ALPK2: variants seen among roughly 807,000 people sequenced by gnomAD.
ALPK2 encodes alpha-protein kinase 2.
In ALPK2, 127 loss-of-function variants were observed where a neutral mutation model predicts 163.1. The observed-to-expected ratio is 0.78, with a 90% confidence interval of 0.67 to 0.90. The LOEUF is 0.90. Among genes scored for constraint, ALPK2 ranks in the 40% least tolerant of loss-of-function variants. The probability of loss-of-function intolerance (pLI) is 0.00; values close to 1 mark genes in which losing one functional copy is unlikely to be tolerated. For synonymous variants in ALPK2, 953 were observed against 959.1 expected (o/e 0.99, Z 0.12); for missense variants, 2,360 against 2,589.6 (o/e 0.91, Z 1.92).
intron 3 of ALPK2, among the ~76,000 whole-genome samples, chr18:58,591,956 T>C (rs1568095436): frequency 6.6e-6 from 1 of 152,208 alleles, no homozygotes; most frequent in Non-Finnish European, 1.5e-5. Flanking sequence ...TGGAAGGTTT[T>C]CCATCCCATA....
chr18:58,534,524 C>A (rs1454375658), intron 5 of ALPK2, among the ~76,000 whole-genome samples: 1 of 152,208 alleles, frequency 6.6e-6, no homozygotes, highest in Non-Finnish European at 1.5e-5. Flanking sequence ...TCATCACATT[C>A]CCCTCCAACA....
At chr18:58,601,769 A>G (rs908850518) in intron 3 of ALPK2, among the ~76,000 whole-genome samples, 13 of 152,180 alleles carry the variant, frequency 8.5e-5, no homozygotes, top group African/African-American at 1.4e-4. Context: ...TGAAAAAGCC[A>G]GGGAAAACCA....
chr18:58,579,858 A>T lies in ALPK2; in HGVS notation c.918T>A (p.Ser306Arg), dbSNP rs2051947198. 6.2e-7 allele frequency: 1 copy of T among 1,614,014 alleles called. No homozygotes were observed. Residue 306 changes from serine (S) to arginine (R), a missense_variant, in exon 4 of 13, where the codon AGT (serine) becomes AGA (arginine). Physicochemically the swap from Ser to Arg is moderately radical, Grantham distance 110 (BLOSUM62 -1). Coordinates refer to ENST00000361673, the MANE Select transcript of ALPK2 (RefSeq NM_052947.4). ...SPQLSSEDSD[S>R]DYELCPEITL... is the part of the protein sequence containing the mutation. ...TTATCTCTGGGCAAAGTTCATAGTC[A>T]CTGTCAGAGTCTTCACTGGAAAGCT...
chr18:58,536,694 C>T lies in ALPK2; in HGVS notation c.3493G>A (p.Glu1165Lys). 6.2e-7 allele frequency: 1 copy of T among 1,614,186 alleles called. No individual in the cohort carries two copies. Residue 1165 changes from glutamate (E) to lysine (K), a missense_variant, in exon 5 of 13, where the codon GAG (glutamate) becomes AAG (lysine). Coordinates refer to ENST00000361673, the MANE Select transcript of ALPK2 (RefSeq NM_052947.4). ...QSLPTTSAAQ[E>K]ERNLVPTAHS... ...GCCGTGGGCACCAAGTTTCTTTCCT[C>T]TTGTGCAGCAGATGTCGTAGGCAAA...
chr18:58,564,705 A>C (rs543910951), intron 4 of ALPK2, among the ~76,000 whole-genome samples: 1 of 152,196 alleles, frequency 6.6e-6, no homozygotes, highest in East Asian at 1.9e-4. Flanking sequence ...ACAGATCTTC[A>C]TGTTTGACCC....
At chr18:58,550,655 TCTCCATCATGTACAACCCCATCCCCAC>T (rs2051752889) in intron 4 of ALPK2, among the ~76,000 whole-genome samples, 1 of 10,804 alleles carries the variant, frequency 9.3e-5, no homozygotes, top group African/African-American at 3.1e-4. Flanking sequence ...CCCATCCCCG[TCTCCATCATGTACAACCCCATCCCCAC>T]CTCCATCGTG....
At chr18:58,577,540 G>A (rs1003039836) in intron 4 of ALPK2, among the ~76,000 whole-genome samples, 2 of 152,162 alleles carry the variant, frequency 1.3e-5, no homozygotes, top group Non-Finnish European at 2.9e-5. Context: ...ATTAACATAT[G>A]GTCAAAGCAC....
intron 11 of ALPK2, among the ~76,000 whole-genome samples, chr18:58,502,941 G>C (rs370019639): frequency 6.6e-6 from 1 of 152,164 alleles, no homozygotes; most frequent in African/African-American, 2.4e-5. Flanking sequence ...TGCTTTGCAG[G>C]GCTCCCTGCA....
At position 58,610,687 on chromosome 18, in the gene ALPK2, A is replaced by T. The variant is rs190335388; in HGVS notation, c.109+1002T>A. On this transcript the variant is annotated intron_variant, in intron 2 of 12. Transcript: ENST00000361673. ...CCAGGCGCGGTGGCTCACGCCTGTA[A>T]TTCCAGCACTTTGGGAGACCAAGGC... 7.1e-3 allele frequency among the ~76,000 whole-genome samples: 1,084 copies of T among 152,326 alleles called. 8 individuals carry two copies. Among genetic ancestry groups the T allele is most frequent in the Admixed American group, 0.014 (208 of 15,298 alleles).
At chr18:58,503,861 C>T in intron 11 of ALPK2, 70 bp downstream of exon 11, 1 of 1,446,982 alleles carries the variant, frequency 6.9e-7, no homozygotes, top group Non-Finnish European at 9.5e-7. Context: ...TCCCTCCCCT[C>T]CCTCTCCACC....
At chr18:58,593,245 C>G (rs971099456) in intron 3 of ALPK2, among the ~76,000 whole-genome samples, 1 of 152,142 alleles carries the variant, frequency 6.6e-6, no homozygotes, top group African/African-American at 2.4e-5. Flanking sequence ...GACCCCAAAA[C>G]TGCTCTAAAA....
At chr18:58,614,291 T>C (rs571881758) in intron 1 of ALPK2, among the ~76,000 whole-genome samples, 4 of 152,182 alleles carry the variant, frequency 2.6e-5, no homozygotes, top group Non-Finnish European at 5.9e-5. Context: ...GAGGCTGAAC[T>C]GAAGATTTTT....
Position 58,517,092 on chromosome 18 carries a change from G to T in ALPK2, c.5756C>A (p.Ala1919Asp). 1 of 1,614,222 alleles carries T rather than the reference G, an allele frequency of 6.2e-7. No homozygotes were observed. The highest frequency in any genetic ancestry group is 8.5e-7 in the Non-Finnish European group (1 of 1,180,030). The change falls in exon 9 of 13, where the codon GCC (alanine) becomes GAC (aspartate). Residue 1919 changes from alanine to aspartate, a missense_variant. Transcript: ENST00000361673. ...YFGGRLRGQIATEELHFGEGV... is the reference protein window; with the variant it reads ...YFGGRLRGQIDTEELHFGEGV... ...TTCTCCAAAGTGCAGCTCCTCCGTG[G>T]CGATCTGACCACGCAGGCGGCCCCC... is the stretch of plus-strand genomic sequence containing the variant.
chr18:58,531,783 C>T (rs2051616250), intron 5 of ALPK2, among the ~76,000 whole-genome samples: 1 of 150,508 alleles, frequency 6.6e-6, no homozygotes, highest in South Asian at 2.1e-4. Context: ...ACTAAATATA[C>T]AAAAATTAGC....
intron 8 of ALPK2, among the ~76,000 whole-genome samples, chr18:58,517,598 C>A (rs775329397): frequency 3.3e-4 from 50 of 152,012 alleles, no homozygotes; most frequent in Non-Finnish European, 5.9e-4. Context: ...CCCCCACCCC[C>A]CGCAACCACG....
At chr18:58,559,724 G>C (rs904744510) in intron 4 of ALPK2, among the ~76,000 whole-genome samples, 3 of 152,202 alleles carry the variant, frequency 2.0e-5, no homozygotes, top group Middle Eastern at 3.4e-3. Flanking sequence ...CATTTTTCTT[G>C]TTGTTTTCTC....
chr18:58,554,140 A>T (rs781132224), intron 4 of ALPK2, among the ~76,000 whole-genome samples: 24 of 152,196 alleles, frequency 1.6e-4, no homozygotes, highest in Non-Finnish European at 8.8e-5. Flanking sequence ...GATTACAGGC[A>T]TGAGCCTCTG....
chr18:58,616,819 C>T (rs1189754903), intron 1 of ALPK2, among the ~76,000 whole-genome samples: 3 of 152,154 alleles, frequency 2.0e-5, no homozygotes, highest in East Asian at 1.9e-4. Context: ...GCAAATTAAC[C>T]CCAAGAGGTG....
rs114439548 is a variant in ALPK2 at position 58,521,170 on chromosome 18, G to T, written c.5665+2636C>A. 8.4e-3 allele frequency among the ~76,000 whole-genome samples: 1,280 copies of T among 152,362 alleles called. 16 individuals carry two copies. The highest frequency in any genetic ancestry group is 0.029 in the African/African-American group (1,206 of 41,578). ...GCTGGGAGAAGGTGATGTCATCAGG[G>T]TTCAGACCCAGGCTCTACGGCTGGA... On this transcript the variant is annotated intron_variant, in intron 8 of 12. Coordinates refer to ENST00000361673, the MANE Select transcript of ALPK2 (RefSeq NM_052947.4).
Sources: gnomAD v4.1 joint callset for allele counts (sites outside exome capture counted in the v4.1 genomes callset) on GRCh38, gnomAD v4.1.1 for gene constraint, MANE v1.5 for transcripts, NCBI Gene and HGNC (gene_info 2026-07-23, HGNC 2026-07-21) for gene names.